Variants in CNTN3 observed in about 807,000 individuals in gnomAD.
The protein encoded by CNTN3 is contactin 3, also known as contactin-3.
Under a neutral mutation model 119.1 loss-of-function variants are expected in CNTN3, and 60 were observed. That is an observed-to-expected ratio of 0.50 (90% CI 0.41 to 0.62). The LOEUF (loss-of-function observed/expected upper bound fraction) is 0.62. Ranked by LOEUF, CNTN3 falls within the 20% of genes least tolerant of loss-of-function variation. The pLI is 0.00. For missense variants in CNTN3, 1,101 were observed against 1,242.4 expected (o/e 0.89, Z 1.71); for synonymous variants, 450 against 438.7 (o/e 1.03, Z -0.32).
intron 8 of CNTN3, among the ~76,000 whole-genome samples, chr3:74,367,567 G>A (rs1182156704): frequency 6.6e-6 from 1 of 151,938 alleles, no homozygotes; most frequent in Non-Finnish European, 1.5e-5. Flanking sequence ...TTTGGAGAAA[G>A]GAAGGATGAG....
chr3:74,552,049 C>T (rs1704000246), intron 1 of CNTN3, among the ~76,000 whole-genome samples: 1 of 152,054 alleles, frequency 6.6e-6, no homozygotes, highest in South Asian at 2.1e-4. Flanking sequence ...CAGGTGTGAG[C>T]CACTGCGCCT....
intron 1 of CNTN3, among the ~76,000 whole-genome samples, chr3:74,566,788 G>A (rs952337265): frequency 1.3e-5 from 2 of 152,118 alleles, no homozygotes; most frequent in Non-Finnish European, 2.9e-5. Flanking sequence ...TCAACACACA[G>A]CAATAGAGGC....
intron 20 of CNTN3, among the ~76,000 whole-genome samples, chr3:74,283,203 T>A (rs1010730030): frequency 6.6e-6 from 1 of 152,130 alleles, no homozygotes; most frequent in Non-Finnish European, 1.5e-5. Context: ...TGGATGCCCA[T>A]CCTGTTACTT....
At chr3:74,560,137 C>T (rs140908561) in intron 1 of CNTN3, among the ~76,000 whole-genome samples, 216 of 152,238 alleles carry the variant, frequency 1.4e-3, no homozygotes, top group Non-Finnish European at 2.1e-3. Context: ...CAGCAGCACA[C>T]TCACTGGCTA....
intron 4 of CNTN3, among the ~76,000 whole-genome samples, chr3:74,444,886 G>A (rs1312324580): frequency 1.3e-5 from 2 of 152,006 alleles, no homozygotes; most frequent in Non-Finnish European, 2.9e-5. Context: ...TTAGAAAATA[G>A]GAAATATAAA....
chr3:74,534,252 G>A (rs1175314265), intron 1 of CNTN3, among the ~76,000 whole-genome samples: 4 of 151,900 alleles, frequency 2.6e-5, no homozygotes, highest in African/African-American at 4.8e-5. Context: ...AATAGCATGA[G>A]CCCCTTATGC....
At position 74,285,387 on chromosome 3, in the gene CNTN3, G is replaced by C; in HGVS notation, c.2622C>G (p.Ala874=). The C allele has an allele frequency of 1.2e-6, 2 of 1,613,726 alleles. No homozygotes were observed. The highest frequency in any genetic ancestry group is 1.7e-6 in the Non-Finnish European group (2 of 1,179,808). Residue 874 remains alanine (A), a synonymous_variant, in exon 20 of 23, where the codon GCC becomes GCG. Coordinates refer to ENST00000263665, the MANE Select transcript of CNTN3 (RefSeq NM_020872.3). ...ARLRGLKSNL[A]YYTAVRAYNS... is the part of the protein sequence containing the mutation. ...TGTAAGCCCGGACAGCCGTGTAATA[G>C]GCCAGGTTGCTCTTCAGGCCCCGTA...
rs149215876 is a variant in CNTN3, at chr3:74,264,157, A to C, written c.*244T>G. On this transcript the variant is annotated 3_prime_UTR_variant, in exon 23 of 23. Coordinates refer to ENST00000263665, the MANE Select transcript of CNTN3 (RefSeq NM_020872.3). Reference sequence around the variant, plus strand: ...GTGCTTAAACTCATAGTTTAAGAACATTTATATCAAAAGTCTGAAGTATGT... The same window carrying C: ...GTGCTTAAACTCATAGTTTAAGAACCTTTATATCAAAAGTCTGAAGTATGT... The C allele has an allele frequency of 1.4e-3, 424 of 304,740 alleles. 1 individual carries two copies. Among genetic ancestry groups the C allele is most frequent in the African/African-American group, 8.6e-3 (401 of 46,488 alleles). 18.9% of individuals were successfully genotyped at this position (304,740 alleles called of 1,614,324 possible). A position where few individuals can be genotyped will look rare whatever the true frequency, so the allele number is the denominator to read the frequency against.
At chr3:74,546,290 C>T (rs972817507) in intron 1 of CNTN3, among the ~76,000 whole-genome samples, 4 of 152,116 alleles carry the variant, frequency 2.6e-5, no homozygotes, top group Admixed American at 6.5e-5. Context: ...CCACTGTGCC[C>T]GGCCCATTTC....
intron 20 of CNTN3, 178 bp from the exon 21 acceptor site, chr3:74,267,556 A>G: frequency 2.0e-6 from 1 of 505,192 alleles, no homozygotes; most frequent in Non-Finnish European, 3.5e-6. Flanking sequence ...TCCTTTTTTT[A>G]GAAAGGCATT....
At chr3:74,568,468 G>A (rs1208060760) in intron 1 of CNTN3, among the ~76,000 whole-genome samples, 1 of 152,160 alleles carries the variant, frequency 6.6e-6, no homozygotes, top group Non-Finnish European at 1.5e-5. Context: ...CCTACTCCAT[G>A]CTTCTCTCTC....
intron 19 of CNTN3, among the ~76,000 whole-genome samples, chr3:74,287,110 C>A (rs753806720): frequency 6.6e-6 from 1 of 152,168 alleles, no homozygotes; most frequent in South Asian, 2.1e-4. Context: ...GGCAGAGATT[C>A]GCCAGGCTTC....
chr3:74,489,669 A>C (rs1702927539), intron 3 of CNTN3, among the ~76,000 whole-genome samples: 1 of 124,946 alleles, frequency 8.0e-6, no homozygotes. Context: ...CATGCCTTTC[A>C]ACCAACAGCA....
chr3:74,508,984 G>T (rs1452106279), intron 2 of CNTN3, among the ~76,000 whole-genome samples: 2 of 152,166 alleles, frequency 1.3e-5, no homozygotes, highest in Non-Finnish European at 2.9e-5. Context: ...AAAGACAAGA[G>T]AGCCCTCCTC....
chr3:74,315,833 T>C (rs1702819260), intron 13 of CNTN3, among the ~76,000 whole-genome samples: 1 of 152,168 alleles, frequency 6.6e-6, no homozygotes, highest in Non-Finnish European at 1.5e-5. Context: ...AAGACTTAAA[T>C]GTAAGACATG....
chr3:74,499,872 C>T, intron 2 of CNTN3, 87 bp from the exon 3 acceptor site: 2 of 1,320,278 alleles, frequency 1.5e-6, no homozygotes, highest in Non-Finnish European at 2.1e-6. Context: ...AAACAAGGAA[C>T]TAAAAATTCT....
chr3:74,463,250 C>A (rs1405475593), intron 4 of CNTN3, among the ~76,000 whole-genome samples: 1 of 152,032 alleles, frequency 6.6e-6, no homozygotes, highest in Non-Finnish European at 1.5e-5. Context: ...AGTGTGGAAA[C>A]CTTATGAGTT....
intron 1 of CNTN3, among the ~76,000 whole-genome samples, chr3:74,545,259 T>A (rs1448389210): frequency 6.6e-6 from 1 of 152,194 alleles, no homozygotes; most frequent in East Asian, 1.9e-4. Context: ...GAAAGCTACT[T>A]AAAAAGTCTC....
At chr3:74,583,860 A>G (rs1704553346) in intron 1 of CNTN3, among the ~76,000 whole-genome samples, 1 of 152,118 alleles carries the variant, frequency 6.6e-6, no homozygotes, top group Non-Finnish European at 1.5e-5. Flanking sequence ...AGAGACAACA[A>G]TTAATTGCAG....
Sources: gnomAD v4.1 joint callset for allele counts (sites outside exome capture counted in the v4.1 genomes callset) on GRCh38, gnomAD v4.1.1 for gene constraint, MANE v1.5 for transcripts, NCBI Gene and HGNC (gene_info 2026-07-23, HGNC 2026-07-21) for gene names.